The following IP6K1 variants were observed in gnomAD, a reference collection of about 807,000 sequenced individuals.
IP6K1 encodes inositol hexakisphosphate kinase 1.
In IP6K1, 13 loss-of-function variants were observed where a neutral mutation model predicts 38.3. The ratio of observed to expected loss-of-function variants is 0.34; its 90% CI spans 0.22 to 0.54. The LOEUF (loss-of-function observed/expected upper bound fraction) is 0.54, where lower values mean the gene tolerates loss of function less well. IP6K1 is among the 20% of genes least tolerant of loss of function. The pLI, the probability that IP6K1 is intolerant of heterozygous loss-of-function variation, is 0.92. For missense variants in IP6K1, 397 were observed against 599.8 expected, an observed-to-expected ratio of 0.66 and a Z score of 3.53; for synonymous variants, 212 against 229.9, an observed-to-expected ratio of 0.92 and a Z score of 0.70.
chr3:49,775,606 A>T, intron 1 of IP6K1: 1 of 934,440 alleles, frequency 1.1e-6, no homozygotes, highest in Non-Finnish European at 1.6e-6. Flanking sequence ...CAGCTTCAAG[A>T]AGAGGTGATT....
intron 3 of IP6K1, among the ~76,000 whole-genome samples, chr3:49,734,299 G>C (rs1298385197): frequency 6.6e-6 from 1 of 151,650 alleles, no homozygotes; most frequent in Admixed American, 6.6e-5. Context: ...CATACTGAAA[G>C]GCCAAGAAAA....
intron 1 of IP6K1, among the ~76,000 whole-genome samples, chr3:49,755,096 CTTTTTTT>C (rs559780072): frequency 5.4e-5 from 6 of 111,944 alleles, no homozygotes; most frequent in African/African-American, 2.0e-4. Flanking sequence ...CCAAGCCTGG[CTTTTTTT>C]TTTTTTTTTT....
chr3:49,766,863 G>A (rs2080915629), intron 1 of IP6K1, among the ~76,000 whole-genome samples: 1 of 146,242 alleles, frequency 6.8e-6, no homozygotes, highest in Non-Finnish European at 1.5e-5. Flanking sequence ...TACTCGGAAG[G>A]CTAAGGCAGG....
chr3:49,769,500 G>A (rs1395811244), intron 1 of IP6K1, among the ~76,000 whole-genome samples: 1 of 152,140 alleles, frequency 6.6e-6, no homozygotes, highest in African/African-American at 2.4e-5. Flanking sequence ...GACAAATCAG[G>A]ATATAACAGT....
chr3:49,748,172 CAGAAA>C lies in IP6K1; in HGVS notation c.-128-9_-128-5del. On this transcript the variant is annotated splice_polypyrimidine_tract_variant and splice_region_variant and intron_variant, in intron 1 of 5. Coordinates refer to ENST00000321599, the MANE Select transcript of IP6K1 (RefSeq NM_153273.4). ...CTATTCAGCTTATTATTCTGTCCTA[CAGAAA>C]AGAAGAGAGGAAGAAGGAATCAAAA... The C allele has an allele frequency of 2.2e-6, 2 of 913,160 alleles. No individual in the cohort carries two copies. The highest frequency in any genetic ancestry group is 2.6e-5 in the East Asian group (1 of 37,744). The allele number at this position is 913,160 out of a possible 1,614,324, so 56.6% of individuals were successfully genotyped here.
intron 1 of IP6K1, among the ~76,000 whole-genome samples, chr3:49,768,172 C>A (rs1233980991): frequency 6.6e-6 from 1 of 152,096 alleles, no homozygotes; most frequent in Non-Finnish European, 1.5e-5. Context: ...CCATATGATT[C>A]AACAATTCCA....
At chr3:49,774,203 G>A (rs940481606) in intron 1 of IP6K1, among the ~76,000 whole-genome samples, 4 of 151,748 alleles carry the variant, frequency 2.6e-5, no homozygotes, top group African/African-American at 7.3e-5. Context: ...TAGGAGGATC[G>A]AGAACATCCT....
At chr3:49,757,361 T>C (rs981248297) in intron 1 of IP6K1, among the ~76,000 whole-genome samples, 2 of 152,190 alleles carry the variant, frequency 1.3e-5, no homozygotes, top group African/African-American at 4.8e-5. Flanking sequence ...GCTCTAAGGT[T>C]ACTGGGAGAA....
intron 1 of IP6K1, among the ~76,000 whole-genome samples, chr3:49,751,156 TTTGTTGTTG>T (rs58963057): frequency 1.7e-4 from 25 of 148,992 alleles, no homozygotes; most frequent in Non-Finnish European, 2.5e-4. Context: ...TCCTTTTTTT[TTTGTTGTTG>T]TTGTTGTTGT....
chr3:49,771,275 A>C (rs1255144752), intron 1 of IP6K1, among the ~76,000 whole-genome samples: 3 of 151,636 alleles, frequency 2.0e-5, no homozygotes, highest in Non-Finnish European at 4.4e-5. Context: ...AGGCAGAAGG[A>C]TCCTTTGAGC....
At chr3:49,780,077 C>T (rs1470421015) in intron 1 of IP6K1, among the ~76,000 whole-genome samples, 1 of 151,896 alleles carries the variant, frequency 6.6e-6, no homozygotes, top group Admixed American at 6.6e-5. Context: ...AGACCTGCTC[C>T]CCTACCCTGC....
intron 1 of IP6K1, among the ~76,000 whole-genome samples, chr3:49,754,015 C>G (rs193231988): frequency 1.3e-5 from 2 of 151,920 alleles, no homozygotes; most frequent in African/African-American, 4.8e-5. Context: ...ATCAATGATA[C>G]AAAAGAGATT....
At chr3:49,782,314 G>A (rs1465112213) in intron 1 of IP6K1, among the ~76,000 whole-genome samples, 1 of 151,880 alleles carries the variant, frequency 6.6e-6, no homozygotes, top group Non-Finnish European at 1.5e-5. Context: ...GGGATTACAG[G>A]TGCACGCCAC....
intron 3 of IP6K1, among the ~76,000 whole-genome samples, chr3:49,735,598 G>T (rs1014792416): frequency 2.6e-5 from 4 of 152,198 alleles, no homozygotes; most frequent in African/African-American, 9.7e-5. Context: ...TGCTTACCAA[G>T]AAGTGGGTAT....
chr3:49,728,783 G>A (rs565240341), intron 4 of IP6K1, among the ~76,000 whole-genome samples: 5 of 152,072 alleles, frequency 3.3e-5, no homozygotes, highest in African/African-American at 1.2e-4. Flanking sequence ...CACCATGTTG[G>A]CCAGGCTGGT....
At chr3:49,731,696 GTCTACTACT>G (rs1454575321) in intron 4 of IP6K1, among the ~76,000 whole-genome samples, 7 of 152,028 alleles carry the variant, frequency 4.6e-5, no homozygotes, top group African/African-American at 9.6e-5. Flanking sequence ...GTTGTTATTT[GTCTACTACT>G]TCAAAACACT....
At chr3:49,776,062 A>T (rs2081005847) in intron 1 of IP6K1, among the ~76,000 whole-genome samples, 1 of 151,760 alleles carries the variant, frequency 6.6e-6, no homozygotes, top group South Asian at 2.1e-4. Context: ...TATCAGAACA[A>T]GAAATGTAGC....
chr3:49,774,661 G>A (rs2080991216), intron 1 of IP6K1, among the ~76,000 whole-genome samples: 1 of 152,092 alleles, frequency 6.6e-6, no homozygotes, highest in African/African-American at 2.4e-5. Context: ...TTTAAGGGAT[G>A]AATACTTATC....
At chr3:49,742,452 G>C (rs1417680120) in intron 2 of IP6K1, among the ~76,000 whole-genome samples, 1 of 152,094 alleles carries the variant, frequency 6.6e-6, no homozygotes, top group Non-Finnish European at 1.5e-5. Flanking sequence ...GGGAGGCTGA[G>C]GCAGGAGAAT....
Sources: gnomAD v4.1 joint callset for allele counts (sites outside exome capture counted in the v4.1 genomes callset) on GRCh38, gnomAD v4.1.1 for gene constraint, MANE v1.5 for transcripts, NCBI Gene and HGNC (gene_info 2026-07-23, HGNC 2026-07-21) for gene names.